The following DOCK3 variants were observed in gnomAD, a reference collection of about 807,000 sequenced individuals.
DOCK3 encodes dedicator of cytokinesis 3, also known as dedicator of cytokinesis protein 3.
A neutral mutation model predicts 265.6 loss-of-function variants in DOCK3; 60 were observed. That is an observed-to-expected ratio of 0.23 (90% CI 0.18 to 0.28). The LOEUF (loss-of-function observed/expected upper bound fraction) is 0.28, where lower values mean the gene tolerates loss of function less well. Among genes scored for constraint, DOCK3 ranks in the 10% least tolerant of loss-of-function variants. DOCK3 has a pLI of 1.00. For synonymous variants in DOCK3, 881 were observed against 938.0 expected (o/e 0.94, Z 1.11); for missense variants, 1,981 against 2,594.3 (o/e 0.76, Z 5.14).
At chr3:50,758,243 C>T (rs1202676289) in intron 1 of DOCK3, among the ~76,000 whole-genome samples, 1 of 150,374 alleles carries the variant, frequency 6.7e-6, no homozygotes, top group East Asian at 1.9e-4. Context: ...AAGGTTATCC[C>T]CCCCGCCCCA....
intron 9 of DOCK3, among the ~76,000 whole-genome samples, chr3:51,092,483 C>T (rs927485515): frequency 3.1e-4 from 47 of 152,152 alleles, no homozygotes; most frequent in African/African-American, 1.1e-3. Context: ...CTGGGCAGGG[C>T]ATCTCTGAAA....
At chr3:50,821,741 T>G (rs977913471) in intron 2 of DOCK3, among the ~76,000 whole-genome samples, 1 of 152,240 alleles carries the variant, frequency 6.6e-6, no homozygotes, top group Non-Finnish European at 1.5e-5. Flanking sequence ...CACCATTTAT[T>G]GAATAGGGAG....
intron 1 of DOCK3, among the ~76,000 whole-genome samples, chr3:50,773,588 C>T (rs1297690278): frequency 2.6e-5 from 4 of 151,920 alleles, no homozygotes; most frequent in Non-Finnish European, 4.4e-5. Context: ...GTAAGGGCCT[C>T]GATAAAGAGT....
chr3:51,008,022 T>C (rs2078759024), intron 5 of DOCK3, among the ~76,000 whole-genome samples: 1 of 152,230 alleles, frequency 6.6e-6, no homozygotes, highest in Non-Finnish European at 1.5e-5. Flanking sequence ...TTGGTTACTG[T>C]AGCCTTGTAG....
At position 51,380,136 on chromosome 3, in the gene DOCK3, C is replaced by G; in HGVS notation, c.5512C>G (p.Leu1838Val). 6.2e-7 allele frequency: 1 copy of G among 1,613,674 alleles called. No homozygotes were observed. The highest frequency in any genetic ancestry group is 8.5e-7 in the Non-Finnish European group (1 of 1,179,730). Reference protein sequence around the residue: ...LSVAEKGHYSLHFDAFHHPLG... With the variant: ...LSVAEKGHYSVHFDAFHHPLG... Reference sequence around the variant, plus strand: ...TGTTCCCTTTGCAGGTCATTACTCCCTACACTTTGACGCCTTCCACCACCC... The same window carrying G: ...TGTTCCCTTTGCAGGTCATTACTCCGTACACTTTGACGCCTTCCACCACCC... The change falls in exon 52 of 53, where the codon CTA becomes GTA. Residue 1838 changes from leucine (L) to valine (V), a missense_variant. Coordinates refer to ENST00000266037, the MANE Select transcript of DOCK3 (RefSeq NM_004947.5).
intron 3 of DOCK3, among the ~76,000 whole-genome samples, chr3:50,855,767 C>T (rs943416660): frequency 5.3e-5 from 8 of 152,010 alleles, no homozygotes; most frequent in African/African-American, 9.7e-5. Flanking sequence ...GTTGGCTGCA[C>T]GGATCATCCC....
At chr3:50,783,927 G>A (rs147899253) in intron 2 of DOCK3, among the ~76,000 whole-genome samples, 3 of 151,512 alleles carry the variant, frequency 2.0e-5, no homozygotes, top group Non-Finnish European at 4.4e-5. Flanking sequence ...GGGTGCAGTG[G>A]CATGATCTGG....
intron 5 of DOCK3, among the ~76,000 whole-genome samples, chr3:51,047,432 T>C (rs1321557869): frequency 6.7e-6 from 1 of 148,824 alleles, no homozygotes; most frequent in Admixed American, 6.7e-5. Context: ...AAAATAAAAA[T>C]TAGAGCAGAG....
chr3:51,044,596 T>G (rs146631616), intron 5 of DOCK3, among the ~76,000 whole-genome samples: 1 of 151,596 alleles, frequency 6.6e-6, no homozygotes, highest in African/African-American at 2.4e-5. Context: ...AAAAAAGCCC[T>G]AAATGGCATC....
intron 8 of DOCK3, 27 bp downstream of exon 8, chr3:51,089,311 C>G (rs763922372): frequency 6.2e-7 from 1 of 1,600,826 alleles, no homozygotes. Flanking sequence ...GGTCTTCCAG[C>G]CTTTCCCCTC....
intron 4 of DOCK3, among the ~76,000 whole-genome samples, chr3:50,905,074 A>G (rs1316540550): frequency 6.6e-6 from 1 of 151,882 alleles, no homozygotes; most frequent in Non-Finnish European, 1.5e-5. Context: ...ATGGTTGTAG[A>G]TGTGTGGTAT....
intron 5 of DOCK3, among the ~76,000 whole-genome samples, chr3:51,018,071 G>C (rs1575785335): frequency 6.6e-6 from 1 of 150,970 alleles, no homozygotes. Flanking sequence ...TTTGTATTTT[G>C]AGTAGAGATG....
At chr3:51,365,476 A>C (rs1560511811) in intron 49 of DOCK3, among the ~76,000 whole-genome samples, 1 of 152,094 alleles carries the variant, frequency 6.6e-6, no homozygotes, top group Non-Finnish European at 1.5e-5. Context: ...AATACCCTTT[A>C]TTTCTTTCTC....
chr3:50,877,255 T>A, intron 3 of DOCK3: 1 of 345,096 alleles, frequency 2.9e-6, no homozygotes, highest in East Asian at 7.6e-5. Flanking sequence ...TAACCCTTTT[T>A]ATTCTTTCTT....
chr3:51,069,207 A>G (rs974184618), intron 6 of DOCK3, among the ~76,000 whole-genome samples: 1 of 152,200 alleles, frequency 6.6e-6, no homozygotes, highest in African/African-American at 2.4e-5. Context: ...CTGCAATACA[A>G]GAAGGGCAGA....
intron 1 of DOCK3, among the ~76,000 whole-genome samples, chr3:50,724,872 A>G (rs2037716086): frequency 6.6e-6 from 1 of 152,142 alleles, no homozygotes; most frequent in African/African-American, 2.4e-5. Flanking sequence ...ACACACTTGT[A>G]ATCCTAGCCA....
At chr3:50,882,525 A>G (rs1295102407) in intron 3 of DOCK3, among the ~76,000 whole-genome samples, 7 of 152,206 alleles carry the variant, frequency 4.6e-5, no homozygotes, top group African/African-American at 7.2e-5. Flanking sequence ...AATGCTCATC[A>G]TCACTGGCCA....
intron 22 of DOCK3, among the ~76,000 whole-genome samples, chr3:51,252,771 G>A (rs571607058): frequency 6.6e-5 from 10 of 152,296 alleles, no homozygotes; most frequent in East Asian, 1.9e-4. Context: ...GGCTGAGACA[G>A]TGGGGTTTTC....
intron 4 of DOCK3, among the ~76,000 whole-genome samples, chr3:50,915,186 T>C (rs910229476): frequency 6.6e-6 from 1 of 152,000 alleles, no homozygotes; most frequent in African/African-American, 2.4e-5. Flanking sequence ...GGTTTGGGCC[T>C]AGGAGCAGGA....
Sources: allele counts gnomAD v4.1 joint callset (sites outside exome capture counted in the v4.1 genomes callset), GRCh38; gene constraint gnomAD v4.1.1; transcripts MANE v1.5; gene names NCBI Gene and HGNC (gene_info 2026-07-23, HGNC 2026-07-21).